The following TBC1D19 variants were observed in gnomAD, a reference collection of about 807,000 sequenced individuals.
The protein encoded by TBC1D19 is TBC1 domain family, member 19.
In TBC1D19, 60 loss-of-function variants were observed where a neutral mutation model predicts 89.0. The ratio of observed to expected loss-of-function variants is 0.67; its 90% CI spans 0.55 to 0.84. TBC1D19 has a LOEUF of 0.84. Ranked by LOEUF, TBC1D19 falls within the 40% of genes least tolerant of loss-of-function variation. The pLI, the probability that TBC1D19 is intolerant of heterozygous loss-of-function variation, is 0.00. For synonymous variants in TBC1D19, 189 were observed against 199.7 expected (o/e 0.95, Z 0.45); for missense variants, 500 against 610.8 (o/e 0.82, Z 1.91).
intron 1 of TBC1D19, among the ~76,000 whole-genome samples, chr4:26,591,582 G>C (rs1443363420): frequency 6.6e-6 from 1 of 152,024 alleles, no homozygotes; most frequent in Non-Finnish European, 1.5e-5. Context: ...AAAATTGATA[G>C]ACCACTAGCA....
At chr4:26,813,706 G>A in the TBC1D19 span, among the ~76,000 whole-genome samples, 1 of 152,140 alleles carries the variant, frequency 6.6e-6, no homozygotes, top group African/African-American at 2.4e-5. Flanking sequence ...TTCCAGTTTT[G>A]TGGAAGCCAA....
chr4:26,731,186 T>A (rs774364007), intron 15 of TBC1D19, among the ~76,000 whole-genome samples: 2 of 152,186 alleles, frequency 1.3e-5, no homozygotes, highest in East Asian at 1.9e-4. Flanking sequence ...ATGAATTGCT[T>A]AGGGGGAGGG....
chr4:26,614,117 G>A (rs2110016931), intron 2 of TBC1D19, among the ~76,000 whole-genome samples: 1 of 152,264 alleles, frequency 6.6e-6, no homozygotes, highest in South Asian at 2.1e-4. Flanking sequence ...CATTCATTGA[G>A]CACTTTGATA....
chr4:26,821,999 G>A, the TBC1D19 span, among the ~76,000 whole-genome samples: 2 of 152,204 alleles, frequency 1.3e-5, no homozygotes, highest in Non-Finnish European at 2.9e-5. Flanking sequence ...TGCAGCAGTC[G>A]CCACATGGGG....
chr4:26,753,620 G>T (rs879078363), intron 19 of TBC1D19, among the ~76,000 whole-genome samples, 200 bp from the exon 20 acceptor site: 1 of 152,138 alleles, frequency 6.6e-6, no homozygotes, highest in South Asian at 2.1e-4. Context: ...TATTCAGTTT[G>T]TCTGGCCATC....
At chr4:26,604,670 T>C (rs2109992124) in intron 1 of TBC1D19, among the ~76,000 whole-genome samples, 1 of 150,342 alleles carries the variant, frequency 6.7e-6, no homozygotes, top group East Asian at 2.0e-4. Context: ...GGTTGGGAGA[T>C]CGAGACCATC....
At chr4:26,852,986 G>A in the TBC1D19 span, among the ~76,000 whole-genome samples, 24 of 152,270 alleles carry the variant, frequency 1.6e-4, no homozygotes, top group African/African-American at 4.6e-4. Flanking sequence ...CTCTTGTCTG[G>A]ACTGTGCAGC....
chr4:26,783,433 G>A, the TBC1D19 span, among the ~76,000 whole-genome samples: 1 of 152,140 alleles, frequency 6.6e-6, no homozygotes, highest in African/African-American at 2.4e-5. Flanking sequence ...AACACCTATT[G>A]AAATGAATGA....
At chr4:26,780,729 G>T in the TBC1D19 span, among the ~76,000 whole-genome samples, 1 of 152,210 alleles carries the variant, frequency 6.6e-6, no homozygotes, top group Non-Finnish European at 1.5e-5. Flanking sequence ...CCTCCCTTGA[G>T]AGTACTATTT....
At chr4:26,748,695 G>A (rs1419873621) in intron 19 of TBC1D19, among the ~76,000 whole-genome samples, 169 bp downstream of exon 19, 1 of 152,174 alleles carries the variant, frequency 6.6e-6, no homozygotes, top group Non-Finnish European at 1.5e-5. Flanking sequence ...CTGCAGTCTT[G>A]ATACTTTTAT....
chr4:26,597,011 C>T (rs964562761), intron 1 of TBC1D19, among the ~76,000 whole-genome samples: 10 of 152,130 alleles, frequency 6.6e-5, no homozygotes, highest in Non-Finnish European at 7.3e-5. Flanking sequence ...CTGAATGTTC[C>T]GTGTGACCTC....
chr4:26,647,099 C>T (rs150931298), intron 7 of TBC1D19, among the ~76,000 whole-genome samples: 1 of 151,954 alleles, frequency 6.6e-6, no homozygotes, highest in African/African-American at 2.4e-5. Flanking sequence ...GAAATGGAAA[C>T]AATTTGATGG....
intron 19 of TBC1D19, 53 bp downstream of exon 19, chr4:26,748,579 C>T (rs1446635100): frequency 3.1e-6 from 4 of 1,288,288 alleles, no homozygotes; most frequent in Admixed American, 3.7e-5. Flanking sequence ...AATAAGTCCC[C>T]TTTTCTTCCT....
intron 1 of TBC1D19, among the ~76,000 whole-genome samples, chr4:26,605,984 A>G (rs1317010563): frequency 1.3e-5 from 2 of 152,194 alleles, no homozygotes; most frequent in African/African-American, 4.8e-5. Context: ...GTATCAATAG[A>G]TGTCATCCAC....
At chr4:26,741,897 C>T (rs1297925556) in intron 17 of TBC1D19, among the ~76,000 whole-genome samples, 2 of 152,136 alleles carry the variant, frequency 1.3e-5, no homozygotes, top group Non-Finnish European at 2.9e-5. Context: ...CTTTTAAAAA[C>T]AGTAGATTTT....
At chr4:26,691,751 G>T (rs865902555) in intron 13 of TBC1D19, among the ~76,000 whole-genome samples, 1 of 152,066 alleles carries the variant, frequency 6.6e-6, no homozygotes, top group Non-Finnish European at 1.5e-5. Context: ...ACTTTATTGT[G>T]GTGGTCTGGA....
intron 1 of TBC1D19, among the ~76,000 whole-genome samples, chr4:26,608,621 A>G (rs1210431829): frequency 6.6e-6 from 1 of 152,124 alleles, no homozygotes; most frequent in East Asian, 1.9e-4. Flanking sequence ...AAAAATAACC[A>G]GTTTTTAAAA....
the TBC1D19 span, among the ~76,000 whole-genome samples, chr4:26,839,377 A>C: frequency 6.6e-6 from 1 of 152,208 alleles, no homozygotes; most frequent in African/African-American, 2.4e-5. Flanking sequence ...GATACTTATA[A>C]TAGGACATAG....
chr4:26,830,743 A>C, the TBC1D19 span, among the ~76,000 whole-genome samples: 1 of 152,178 alleles, frequency 6.6e-6, no homozygotes, highest in Admixed American at 6.5e-5. Context: ...TGATTGTATG[A>C]ATGCTGGAAC....
Sources: allele counts gnomAD v4.1 joint callset (sites outside exome capture counted in the v4.1 genomes callset), GRCh38; gene constraint gnomAD v4.1.1; transcripts MANE v1.5; gene names NCBI Gene and HGNC (gene_info 2026-07-23, HGNC 2026-07-21).